Variants in OR3A2 observed in about 807,000 individuals in gnomAD.
OR3A2 encodes olfactory receptor family 3 subfamily A member 2.
For synonymous variants in OR3A2, 126 were observed against 159.3 expected (o/e 0.79, Z 1.57); for missense variants, 318 against 392.8 (o/e 0.81, Z 1.61).
intron 2 of OR3A2, among the ~76,000 whole-genome samples, chr17:3,381,913 C>G (rs1315585360): frequency 6.6e-6 from 1 of 152,098 alleles, no homozygotes; most frequent in African/African-American, 2.4e-5. Flanking sequence ...TCAGAAGGCT[C>G]ATCATCTAGC....
chr17:3,296,441 T>C lies in OR3A2; in HGVS notation c.-84-17288A>G, dbSNP rs145025012. On this transcript the variant is annotated intron_variant, in intron 3 of 4. Transcript: ENST00000573491. ...AGAAAAGGAACCATAAGAAAAGTCATAATAAAAGCAAAACTTGAGTAGAAA... is the reference window on the plus strand; with the variant it reads ...AGAAAAGGAACCATAAGAAAAGTCACAATAAAAGCAAAACTTGAGTAGAAA... Among the ~76,000 whole-genome samples, 262 of 152,138 alleles carry C rather than the reference T, an allele frequency of 1.7e-3. 2 individuals carry two copies. Among genetic ancestry groups the C allele is most frequent in the African/African-American group, 5.8e-3 (239 of 41,538 alleles).
chr17:3,331,535 G>A lies in OR3A2; in HGVS notation c.-85+4498C>T, dbSNP rs553261282. On this transcript the variant is annotated intron_variant, in intron 3 of 4. Coordinates refer to the OR3A2 transcript ENST00000573491. ...CTCCTGAGGCTTCTGCATTCTTCAC[G>A]TAGTTCTCGAGCCTTGGTTTTCAGC... Among the ~76,000 whole-genome samples the A allele has an allele frequency of 1.8e-3, 267 of 151,390 alleles. 1 individual carries two copies. The highest frequency in any genetic ancestry group is 5.8e-3 in the African/African-American group (238 of 41,224).
intron 3 of OR3A2, among the ~76,000 whole-genome samples, chr17:3,325,885 C>A (rs533462496): frequency 1.3e-5 from 2 of 152,122 alleles, no homozygotes; most frequent in South Asian, 4.1e-4. Context: ...CAGATCAACC[C>A]ATCACCTAGG....
At chr17:3,279,131 G>A in intron 1 of OR3A2, 1 of 762,566 alleles carries the variant, frequency 1.3e-6, no homozygotes, top group Non-Finnish European at 2.1e-6. Context: ...CTCATCCTCT[G>A]CTAGCTGAAA....
At position 3,301,878 on chromosome 17, in the gene OR3A2, C is replaced by T. The variant is rs200389432; in HGVS notation, c.-84-22725G>A. On this transcript the variant is annotated intron_variant, in intron 3 of 4. Coordinates refer to the OR3A2 transcript ENST00000573491. Reference sequence around the variant, plus strand: ...GAATTAATTTTTGTATAAGGTGTAACGAAGGGATCAATGTGCAAAAATCAC... The same window carrying T: ...GAATTAATTTTTGTATAAGGTGTAATGAAGGGATCAATGTGCAAAAATCAC... 2.7e-4 allele frequency among the ~76,000 whole-genome samples: 41 copies of T among 151,920 alleles called. No homozygotes were observed. The East Asian group carries it at 5.2e-3, about 19-fold the overall frequency.
chr17:3,341,235 G>A (rs546282783), intron 2 of OR3A2, among the ~76,000 whole-genome samples: 1 of 152,028 alleles, frequency 6.6e-6, no homozygotes, highest in Non-Finnish European at 1.5e-5. Flanking sequence ...GCCAGTCTGT[G>A]TCCTTTAATT....
intron 2 of OR3A2, among the ~76,000 whole-genome samples, chr17:3,369,433 T>C (rs2049592420): frequency 6.6e-6 from 1 of 152,178 alleles, no homozygotes; most frequent in Non-Finnish European, 1.5e-5. Context: ...TTGCTGAGGG[T>C]TTTAATCATA....
At chr17:3,333,342 C>T (rs550116729) in intron 3 of OR3A2, among the ~76,000 whole-genome samples, 2 of 152,154 alleles carry the variant, frequency 1.3e-5, no homozygotes, top group Non-Finnish European at 2.9e-5. Flanking sequence ...TTTATCAAAA[C>T]AATATGTGCA....
At chr17:3,320,986 C>T (rs1207311788) in intron 3 of OR3A2, among the ~76,000 whole-genome samples, 3 of 152,040 alleles carry the variant, frequency 2.0e-5, no homozygotes, top group Admixed American at 6.6e-5. Flanking sequence ...GCCATTTTCA[C>T]GATATTGATT....
intron 3 of OR3A2, among the ~76,000 whole-genome samples, chr17:3,302,215 A>C (rs996431695): frequency 9.9e-5 from 15 of 152,168 alleles, no homozygotes; most frequent in Non-Finnish European, 2.2e-4. Flanking sequence ...GCTACCAATG[A>C]CTTTCTTCAC....
At chr17:3,363,252 T>C (rs2049534120) in intron 2 of OR3A2, among the ~76,000 whole-genome samples, 1 of 151,854 alleles carries the variant, frequency 6.6e-6, no homozygotes, top group African/African-American at 2.4e-5. Context: ...TCTTTCTTCA[T>C]GCATATGAGT....
chr17:3,347,569 T>A (rs1008807862), intron 2 of OR3A2, among the ~76,000 whole-genome samples: 4 of 152,232 alleles, frequency 2.6e-5, no homozygotes, highest in Non-Finnish European at 5.9e-5. Context: ...ACAAAGGACA[T>A]GAACTCATCA....
chr17:3,331,997 G>T (rs920259005), intron 3 of OR3A2, among the ~76,000 whole-genome samples: 34 of 152,080 alleles, frequency 2.2e-4, no homozygotes, highest in African/African-American at 8.0e-4. Context: ...GTGTGCCCCT[G>T]CTGGGGGGTG....
chr17:3,340,960 G>A lies in OR3A2; in HGVS notation c.-178-4834C>T, dbSNP rs230438. Among the ~76,000 whole-genome samples the A allele has an allele frequency of 2.4e-3, 371 of 152,282 alleles. 1 individual carries two copies. Among genetic ancestry groups the A allele is most frequent in the African/African-American group, 8.4e-3 (348 of 41,548 alleles). On this transcript the variant is annotated intron_variant, in intron 2 of 4. Coordinates refer to the OR3A2 transcript ENST00000573491. ...GAATCTGGGTGCTCCTGTATTGGGT[G>A]CATATATATTTAGGATAGTTAGCTC...
chr17:3,294,991 G>T (rs1597324053), intron 3 of OR3A2, among the ~76,000 whole-genome samples: 1 of 151,894 alleles, frequency 6.6e-6, no homozygotes, highest in East Asian at 1.9e-4. Flanking sequence ...TTAAGAAACA[G>T]ACTTCAGTCA....
At chr17:3,368,377 T>C (rs1185151980) in intron 2 of OR3A2, among the ~76,000 whole-genome samples, 1 of 152,252 alleles carries the variant, frequency 6.6e-6, no homozygotes, top group African/African-American at 2.4e-5. Context: ...AATCTTAGAC[T>C]TAAATCTTTG....
chr17:3,291,319 C>T (rs906578410), intron 3 of OR3A2: 5 of 255,236 alleles, frequency 2.0e-5, no homozygotes, highest in Non-Finnish European at 3.7e-5. Context: ...CTGTAACCAA[C>T]CAAAGAGTCA....
chr17:3,279,186 T>C (rs1336044971), intron 1 of OR3A2, 33 bp from the exon 4 acceptor site: 7 of 566,196 alleles, frequency 1.2e-5, no homozygotes, highest in African/African-American at 1.1e-4. Flanking sequence ...GTTAATAAAG[T>C]GTATTGCATT....
At chr17:3,371,093 A>C (rs230479) in intron 2 of OR3A2, among the ~76,000 whole-genome samples, 1 of 150,106 alleles carries the variant, frequency 6.7e-6, no homozygotes, top group East Asian at 2.0e-4. Context: ...CCACAAAACC[A>C]CCATTGTCAT....
Sources: gnomAD v4.1 joint callset for allele counts (sites outside exome capture counted in the v4.1 genomes callset) on GRCh38, gnomAD v4.1.1 for gene constraint, MANE v1.5 for transcripts, NCBI Gene and HGNC (gene_info 2026-07-23, HGNC 2026-07-21) for gene names.